OR11H4: variants seen among roughly 807,000 people sequenced by gnomAD.
The protein encoded by OR11H4 is olfactory receptor family 11 subfamily H member 4.
For missense variants in OR11H4, 460 were observed against 371.1 expected, an observed-to-expected ratio of 1.24 and a Z score of -1.97; for synonymous variants, 162 against 142.3, an observed-to-expected ratio of 1.14 and a Z score of -0.98.
At chr14:20,239,503 G>A (rs371001331) in intron 1 of OR11H4, among the ~76,000 whole-genome samples, 172 bp downstream of exon 1, 23 of 152,020 alleles carry the variant, frequency 1.5e-4, no homozygotes, top group African/African-American at 5.3e-4. Flanking sequence ...GACCATCCTG[G>A]CTAACACGGC....
In OR11H4 at chr14:20,243,434, C is replaced by A. The variant is rs773214490; in HGVS notation, c.613C>A (p.Leu205Ile). ...TECIFYTQSS[L>I]VLFFTSMYIL... ...ATGTATTTTCTATACTCAGAGCTCC[C>A]TTGTCCTCTTTTTCACTAGTATGTA... The change falls in exon 2 of 2, where the codon CTT becomes ATT. Residue 205 changes from leucine (L) to isoleucine (I), a missense_variant. By Grantham distance (5) the Leu-to-Ile change is conservative. Transcript: ENST00000641082. The A allele has an allele frequency of 4.3e-6, 7 of 1,613,796 alleles. No individual in the cohort carries two copies. In the Admixed American group the frequency reaches 1.2e-4, roughly 27 times the overall value.
intron 1 of OR11H4, among the ~76,000 whole-genome samples, chr14:20,241,829 A>G (rs936039144): frequency 3.9e-5 from 6 of 152,092 alleles, no homozygotes; most frequent in African/African-American, 1.2e-4. Flanking sequence ...TGTGAGCAGA[A>G]GAATCTATGT....
chr14:20,239,999 G>GA (rs1319260035), intron 1 of OR11H4, among the ~76,000 whole-genome samples: 2 of 152,148 alleles, frequency 1.3e-5, no homozygotes, highest in African/African-American at 2.4e-5. Flanking sequence ...AAAGGCTTCA[G>GA]AAAAAACAAT....
chr14:20,239,656 T>C (rs1006428094), intron 1 of OR11H4, among the ~76,000 whole-genome samples: 2 of 151,136 alleles, frequency 1.3e-5, no homozygotes, highest in Non-Finnish European at 2.9e-5. Context: ...ATCGCGCCAC[T>C]GCACTCCAGC....
intron 1 of OR11H4, among the ~76,000 whole-genome samples, chr14:20,239,780 G>C (rs1158887067): frequency 2.0e-5 from 3 of 152,140 alleles, no homozygotes; most frequent in Non-Finnish European, 4.4e-5. Context: ...AGGAGAAACA[G>C]TATGTTTGTG....
Position 20,239,307 on chromosome 14 carries a change from A to G in OR11H4, c.-36A>G, listed in dbSNP as rs2138746668. 6.6e-6 allele frequency: 1 copy of G among 152,282 alleles called. No homozygotes were observed. The highest frequency in any genetic ancestry group is 1.9e-4 in the East Asian group (1 of 5,182). 9.4% of individuals were successfully genotyped at this position (152,282 alleles called of 1,614,324 possible). On this transcript the variant is annotated 5_prime_UTR_variant, in exon 1 of 2. Coordinates refer to ENST00000641082, the MANE Select transcript of OR11H4 (RefSeq NM_001004479.2). ...AGTGAGGGGCATTCAACAGAAGGCT[A>G]TTAAATCAAGCTATCACACTTATGG... is the stretch of plus-strand genomic sequence containing the variant.
chr14:20,240,239 G>A (rs1002247414), intron 1 of OR11H4, among the ~76,000 whole-genome samples: 10 of 152,098 alleles, frequency 6.6e-5, no homozygotes, highest in African/African-American at 9.7e-5. Context: ...TTTATGCTTC[G>A]TAAACAACAA....
At chr14:20,242,778 C>G in intron 1 of OR11H4, 33 bp from the exon 2 acceptor site, 1 of 1,601,138 alleles carries the variant, frequency 6.2e-7, no homozygotes, top group Non-Finnish European at 8.5e-7. Flanking sequence ...CTCCAAGAGA[C>G]TTGGATTACA....
rs541314927 is a variant in OR11H4 at position 20,243,890 on chromosome 14, G to A, written c.*124G>A. The stretch of plus-strand genomic sequence containing the variant: ...GGTTGTATATTTTACCTGGAAGTGT[G>A]CCCAGCTTAAATATGTTTCCAGCAC... On this transcript the variant is annotated 3_prime_UTR_variant, in exon 2 of 2. Transcript: ENST00000641082. 2.0e-5 allele frequency: 19 copies of A among 938,564 alleles called. No individual in the cohort carries two copies. In the African/African-American group the frequency reaches 2.5e-4, roughly 12 times the overall value. 58.1% of individuals were successfully genotyped at this position (938,564 alleles called of 1,614,324 possible).
chr14:20,242,700 T>C, intron 1 of OR11H4, 111 bp from the exon 2 acceptor site: 3 of 1,257,034 alleles, frequency 2.4e-6, no homozygotes, highest in Non-Finnish European at 3.3e-6. Flanking sequence ...TCTCATGTAT[T>C]TTCCTGTATA....
At chr14:20,239,931 G>T (rs981313165) in intron 1 of OR11H4, among the ~76,000 whole-genome samples, 1 of 151,970 alleles carries the variant, frequency 6.6e-6, no homozygotes, top group African/African-American at 2.4e-5. Flanking sequence ...TGATTACTCG[G>T]GTCTTTCTAT....
chr14:20,243,373 G>C lies in OR11H4; in HGVS notation c.552G>C (p.Leu184Phe), dbSNP rs553189695. 14 of 1,614,064 alleles carry C rather than the reference G, an allele frequency of 8.7e-6. 1 individual carries two copies. The South Asian group carries it at 1.3e-4, about 15-fold the overall frequency. ...ACTTCCTGTGTGACATGGACCCATT[G>C]ATGGCTCTATCCTGTGCCCCAGCTC... The part of the protein sequence containing the change: ...IDHFLCDMDP[L>F]MALSCAPAPI... Residue 184 changes from leucine to phenylalanine, a missense_variant, in exon 2 of 2, where the codon TTG (leucine) becomes TTC (phenylalanine). Physicochemically the swap from Leu to Phe is conservative, Grantham distance 22. Coordinates refer to ENST00000641082, the MANE Select transcript of OR11H4 (RefSeq NM_001004479.2).
In OR11H4 at chr14:20,243,271, T is replaced by C. The variant is rs761636417; in HGVS notation, c.450T>C (p.Leu150=). The C allele has an allele frequency of 6.2e-7, 1 of 1,614,196 alleles. No individual in the cohort carries two copies. Among genetic ancestry groups the C allele is most frequent in the South Asian group, 1.1e-5 (1 of 91,078 alleles). The change falls in exon 2 of 2, where the codon CTT becomes CTC. Residue 150 remains leucine (L), a synonymous_variant. Transcript: ENST00000641082. ...FCGKLVSFCW[L]IGFLGYPIPI... Reference sequence around the variant, plus strand: ...GTAAGCTGGTGTCTTTCTGTTGGCTTATTGGATTCCTTGGATACCCAATTC... The same window carrying C: ...GTAAGCTGGTGTCTTTCTGTTGGCTCATTGGATTCCTTGGATACCCAATTC...
At chr14:20,241,318 T>C (rs1880912800) in intron 1 of OR11H4, among the ~76,000 whole-genome samples, 1 of 152,288 alleles carries the variant, frequency 6.6e-6, no homozygotes, top group African/African-American at 2.4e-5. Context: ...TGGAGTTGTA[T>C]CTCCATGCAG....
chr14:20,241,074 G>C (rs983439277), intron 1 of OR11H4, among the ~76,000 whole-genome samples: 1 of 151,814 alleles, frequency 6.6e-6, no homozygotes, highest in Admixed American at 6.6e-5. Context: ...TAATACATAG[G>C]ATTGCAGATG....
At chr14:20,240,088 A>C (rs564386633) in intron 1 of OR11H4, among the ~76,000 whole-genome samples, 10 of 152,288 alleles carry the variant, frequency 6.6e-5, no homozygotes, top group African/African-American at 2.4e-4. Flanking sequence ...TGTATAATGG[A>C]GAATGTCCTA....
rs1301550126 is a variant in OR11H4 at position 20,243,609 on chromosome 14, C to A, written c.788C>A (p.Thr263Lys). 1 of 1,614,028 alleles carries A rather than the reference C, an allele frequency of 6.2e-7. No homozygotes were observed. The highest frequency in any genetic ancestry group is 8.5e-7 in the Non-Finnish European group (1 of 1,179,942). Residue 263 changes from threonine (T) to lysine (K), a missense_variant, in exon 2 of 2, where the codon ACA (threonine) becomes AAA (lysine). Transcript: ENST00000641082. ...GTCATGGTAATGTATGTAAGTCCTA[C>A]ATATGGGATCCCAACTTTATTGCAG... Reference protein sequence around the residue: ...GTVMVMYVSPTYGIPTLLQKI... With the variant: ...GTVMVMYVSPKYGIPTLLQKI...
In OR11H4 at chr14:20,243,578, G is replaced by A; in HGVS notation, c.757G>A (p.Gly253Arg). 1 of 1,613,496 alleles carries A rather than the reference G, an allele frequency of 6.2e-7. No homozygotes were observed. The highest frequency in any genetic ancestry group is 2.2e-5 in the East Asian group (1 of 44,878). ...SHLVVVSLFY[G>R]TVMVMYVSPT... is the part of the protein sequence containing the mutation. The stretch of plus-strand genomic sequence containing the variant: ...TTTGGTTGTGGTATCTCTTTTCTAT[G>A]GGACAGTCATGGTAATGTATGTAAG... The change falls in exon 2 of 2, where the codon GGG becomes AGG. Residue 253 changes from glycine (G) to arginine (R), a missense_variant. By Grantham distance (125) the Gly-to-Arg change is moderately radical. Transcript: ENST00000641082.
In OR11H4 at chr14:20,240,447, C is replaced by T. The variant is rs79196185; in HGVS notation, c.-12+1116C>T. Among the ~76,000 whole-genome samples the T allele has an allele frequency of 3.8e-4, 58 of 152,248 alleles. 1 individual carries two copies. Among genetic ancestry groups the T allele is most frequent in the African/African-American group, 1.2e-3 (51 of 41,552 alleles). ...CGTTCCCAAGAATACCTGATCCTTC[C>T]TTCAACTTCTGTGTTCTTTGTTGCC... On this transcript the variant is annotated intron_variant, in intron 1 of 1. Coordinates refer to ENST00000641082, the MANE Select transcript of OR11H4 (RefSeq NM_001004479.2).
Sources: gnomAD v4.1 joint callset for allele counts (sites outside exome capture counted in the v4.1 genomes callset) on GRCh38, gnomAD v4.1.1 for gene constraint, MANE v1.5 for transcripts, NCBI Gene and HGNC (gene_info 2026-07-23, HGNC 2026-07-21) for gene names.